The following CUBN variants were observed in gnomAD, a reference collection of about 807,000 sequenced individuals.
CUBN encodes the protein cubilin.
CUBN carries 282 observed loss-of-function variants against 405.3 expected under a neutral mutation model. The ratio of observed to expected loss-of-function variants is 0.70; its 90% CI spans 0.63 to 0.77. CUBN has a LOEUF of 0.77. Among genes scored for constraint, CUBN ranks in the 30% least tolerant of loss-of-function variants. The pLI is 0.00. For synonymous variants in CUBN, 1,684 were observed against 1,617.0 expected (o/e 1.04, Z -0.99); for missense variants, 4,514 against 4,475.2 (o/e 1.01, Z -0.25).
chr10:16,994,822 G>C (rs1281376160), intron 28 of CUBN, among the ~76,000 whole-genome samples: 10 of 152,222 alleles, frequency 6.6e-5, no homozygotes, highest in African/African-American at 2.2e-4. Context: ...AGGCGTGGTA[G>C]TTCACACCTG....
chr10:16,905,860 C>T (rs1185895714), intron 50 of CUBN, among the ~76,000 whole-genome samples: 1 of 152,110 alleles, frequency 6.6e-6, no homozygotes, highest in Admixed American at 6.6e-5. Flanking sequence ...TGCCTGTAAC[C>T]CCAGCACTTT....
chr10:16,985,746 C>T (rs545303314), intron 29 of CUBN, among the ~76,000 whole-genome samples: 12 of 152,382 alleles, frequency 7.9e-5, no homozygotes, highest in Non-Finnish European at 1.3e-4. Context: ...ATGTGCCACA[C>T]CCCTGTCACA....
At chr10:16,875,002 T>C (rs1172578986) in intron 57 of CUBN, among the ~76,000 whole-genome samples, 2 of 152,144 alleles carry the variant, frequency 1.3e-5, no homozygotes, top group African/African-American at 4.8e-5. Flanking sequence ...GAAATCATTT[T>C]TGGAGCTTTC....
chr10:16,986,958 G>C (rs1202214644), intron 29 of CUBN, among the ~76,000 whole-genome samples: 1 of 152,158 alleles, frequency 6.6e-6, no homozygotes, highest in Non-Finnish European at 1.5e-5. Context: ...GTATGAGTTG[G>C]CTGGACCCAG....
At chr10:17,101,036 T>C (rs969241318) in intron 13 of CUBN, among the ~76,000 whole-genome samples, 3 of 152,192 alleles carry the variant, frequency 2.0e-5, no homozygotes, top group Non-Finnish European at 4.4e-5. Context: ...GGCTGTCGAA[T>C]TTAATTTTCA....
intron 60 of CUBN, among the ~76,000 whole-genome samples, chr10:16,843,745 G>A (rs969763439): frequency 2.0e-5 from 3 of 152,190 alleles, no homozygotes; most frequent in Non-Finnish European, 4.4e-5. Flanking sequence ...AGATCTTCAA[G>A]ACATAAGACC....
intron 43 of CUBN, among the ~76,000 whole-genome samples, chr10:16,923,164 G>T (rs1049738111): frequency 6.6e-5 from 10 of 151,836 alleles, no homozygotes; most frequent in Admixed American, 2.0e-4. Context: ...TTGTGCCTTT[G>T]CTTGTCTGTC....
intron 27 of CUBN, among the ~76,000 whole-genome samples, chr10:17,029,223 G>A (rs541169450): frequency 2.0e-5 from 3 of 152,292 alleles, no homozygotes; most frequent in Middle Eastern, 3.4e-3. Flanking sequence ...TTGGAACGTT[G>A]GTTCATTAAC....
At chr10:16,861,916 T>C (rs1280986511) in intron 59 of CUBN, among the ~76,000 whole-genome samples, 1 of 152,010 alleles carries the variant, frequency 6.6e-6, no homozygotes, top group African/African-American at 2.4e-5. Flanking sequence ...TTTGGGAGCC[T>C]GAGGAGGGTG....
At position 16,901,438 on chromosome 10, in the gene CUBN, C is replaced by T. The variant is rs142667203; in HGVS notation, c.8084G>A (p.Gly2695Asp). 63 of 1,614,128 alleles carry T rather than the reference C, an allele frequency of 3.9e-5. No individual in the cohort carries two copies. The African/African-American group carries it at 7.5e-4, about 19-fold the overall frequency. Reference protein sequence around the residue: ...SFTDCGGIQIGDSGVITSPNY... With the variant: ...SFTDCGGIQIDDSGVITSPNY... ...GGGGCTTGTGATCACTCCACTGTCACCTATCTGTATTCCGCCACAATCTGA... is the reference window on the plus strand; with the variant it reads ...GGGGCTTGTGATCACTCCACTGTCATCTATCTGTATTCCGCCACAATCTGA... Residue 2695 changes from glycine to aspartate, a missense_variant, in exon 52 of 67, where the codon GGT becomes GAT. By Grantham distance (94) the Gly-to-Asp change is moderately conservative. Transcript: ENST00000377833.
At chr10:17,114,254 A>T in intron 7 of CUBN, 65 bp from the exon 8 acceptor site, 1 of 1,513,962 alleles carries the variant, frequency 6.6e-7, no homozygotes, top group Non-Finnish European at 9.1e-7. Flanking sequence ...GCCTTTGAAC[A>T]TTTCATCAAG....
intron 31 of CUBN, among the ~76,000 whole-genome samples, chr10:16,972,392 A>G (rs1197809539): frequency 6.6e-6 from 1 of 152,096 alleles, no homozygotes; most frequent in African/African-American, 2.4e-5. Context: ...TTACAAGTCA[A>G]ACTCACTATC....
chr10:17,083,562 T>C (rs1453861119), intron 17 of CUBN, among the ~76,000 whole-genome samples: 1 of 151,574 alleles, frequency 6.6e-6, no homozygotes, highest in African/African-American at 2.4e-5. Flanking sequence ...TGTAGTGCTA[T>C]GGTCAATGCA....
chr10:16,924,951 A>G (rs1486222566), intron 43 of CUBN, among the ~76,000 whole-genome samples: 1 of 152,192 alleles, frequency 6.6e-6, no homozygotes, highest in Non-Finnish European at 1.5e-5. Context: ...CCAGGGATCA[A>G]GAAGAATAGT....
chr10:16,899,374 T>G (rs1245858672), intron 53 of CUBN, among the ~76,000 whole-genome samples, 191 bp from the exon 54 acceptor site: 1 of 152,194 alleles, frequency 6.6e-6, no homozygotes, highest in East Asian at 1.9e-4. Flanking sequence ...GAGAGAAAAT[T>G]TCAGCTGTTA....
chr10:16,889,123 A>C lies in CUBN; in HGVS notation c.8756-557T>G, dbSNP rs1588621804. ...AAAGAAATATCTTTTCACCACTAAA[A>C]TGATTTGTTTTCATATAACCATTGA... On this transcript the variant is annotated intron_variant, in intron 55 of 66. Coordinates refer to ENST00000377833, the MANE Select transcript of CUBN (RefSeq NM_001081.4). Among the ~76,000 whole-genome samples, 2 of 152,314 alleles carry C rather than the reference A, an allele frequency of 1.3e-5. 1 individual carries two copies. The highest frequency in any genetic ancestry group is 3.9e-4 in the East Asian group (2 of 5,194).
chr10:17,047,627 G>A, intron 22 of CUBN, 24 bp from the exon 23 acceptor site: 1 of 1,598,350 alleles, frequency 6.3e-7, no homozygotes, highest in African/African-American at 1.3e-5. Flanking sequence ...CAGACCATAA[G>A]AGAGAAAATA....
chr10:16,910,212 T>A (rs1259947292), intron 48 of CUBN, among the ~76,000 whole-genome samples: 1 of 151,538 alleles, frequency 6.6e-6, no homozygotes, highest in Non-Finnish European at 1.5e-5. Flanking sequence ...TCCTTCTCCC[T>A]CTCTTCTCCC....
At chr10:17,059,987 T>A (rs961083884) in intron 22 of CUBN, among the ~76,000 whole-genome samples, 2 of 152,156 alleles carry the variant, frequency 1.3e-5, no homozygotes, top group East Asian at 3.8e-4. Context: ...TTTAGAGAGG[T>A]GTAGATGAGA....
Sources: gnomAD v4.1 joint callset for allele counts (sites outside exome capture counted in the v4.1 genomes callset) on GRCh38, gnomAD v4.1.1 for gene constraint, MANE v1.5 for transcripts, NCBI Gene and HGNC (gene_info 2026-07-23, HGNC 2026-07-21) for gene names.